Variants in TF observed in about 807,000 individuals in gnomAD.
TF encodes the protein serotransferrin.
In TF, 55 loss-of-function variants were observed where a neutral mutation model predicts 82.4. That is an observed-to-expected ratio of 0.67 (90% CI 0.54 to 0.84). TF has a LOEUF of 0.84. TF is among the 40% of genes least tolerant of loss of function. The probability of loss-of-function intolerance (pLI) is 0.00; values close to 1 mark genes in which losing one functional copy is unlikely to be tolerated. For missense variants in TF, 737 were observed against 868.4 expected (o/e 0.85, Z 1.90); for synonymous variants, 332 against 332.6 (o/e 1.00, Z 0.02).
the TF span, among the ~76,000 whole-genome samples, chr3:133,678,851 T>TTTTGTTTTG: frequency 1.9e-4 from 28 of 149,440 alleles, no homozygotes; most frequent in South Asian, 5.6e-3. Flanking sequence ...GCCCAGCTAT[T>TTTTGTTTTG]TTTTGTTTTG....
At chr3:133,737,126 C>G in the TF span, among the ~76,000 whole-genome samples, 1 of 152,194 alleles carries the variant, frequency 6.6e-6, no homozygotes, top group Non-Finnish European at 1.5e-5. Context: ...TCTCAGACCA[C>G]AGTGCAATCA....
At chr3:133,720,063 C>G in the TF span, among the ~76,000 whole-genome samples, 1 of 152,120 alleles carries the variant, frequency 6.6e-6, no homozygotes, top group African/African-American at 2.4e-5. Context: ...TGACTTCCCT[C>G]TTTCCAAATC....
chr3:133,685,705 C>G, the TF span, among the ~76,000 whole-genome samples: 4 of 152,122 alleles, frequency 2.6e-5, no homozygotes, highest in African/African-American at 9.7e-5. Flanking sequence ...AAAGAGGACA[C>G]AAACAAATGG....
In TF at chr3:133,759,883, G is replaced by T. The variant is rs544708901; in HGVS notation, c.1203+554G>T. 3.9e-5 allele frequency among the ~76,000 whole-genome samples: 6 copies of T among 152,032 alleles called. No homozygotes were observed. The South Asian group carries it at 8.3e-4, about 21-fold the overall frequency. ...GCTTACAGAGAATTTTTAAAATCCT[G>T]AATGATATAAAGAAGAAATAAAAAG... On this transcript the variant is annotated intron_variant, in intron 9 of 16. Transcript: ENST00000402696.
At position 133,783,632 on chromosome 3, in the gene TF, A is replaced by T. The variant is rs1157866135; in HGVS notation, c.*5012A>T. 2 of 152,268 alleles carry T rather than the reference A, an allele frequency of 1.3e-5. No homozygotes were observed. Among genetic ancestry groups the T allele is most frequent in the Middle Eastern group, 3.2e-3 (1 of 316 alleles). 9.4% of individuals were successfully genotyped at this position (152,268 alleles called of 1,614,324 possible). A position where few individuals can be genotyped will look rare whatever the true frequency, so the allele number is the denominator to read the frequency against. On this transcript the variant is annotated 3_prime_UTR_variant, in exon 17 of 17. Transcript: ENST00000402696. ...CCTGTAAGACAAAAATAGACAAATAAAATGTGAAGATTTTTAAGAAAGAAC... is the reference window on the plus strand; with the variant it reads ...CCTGTAAGACAAAAATAGACAAATATAATGTGAAGATTTTTAAGAAAGAAC...
chr3:133,763,812 C>G (rs1934056192), intron 9 of TF, among the ~76,000 whole-genome samples: 1 of 152,238 alleles, frequency 6.6e-6, no homozygotes, highest in Non-Finnish European at 1.5e-5. Flanking sequence ...TGTTCCACAG[C>G]CACAGCCACG....
intron 14 of TF, 58 bp from the exon 15 acceptor site, chr3:133,775,375 C>T (rs1934360126): frequency 6.3e-7 from 1 of 1,585,018 alleles, no homozygotes; most frequent in Non-Finnish European, 8.7e-7. Context: ...AGTTCCATCT[C>T]CCCAGCGGGG....
chr3:133,718,895 G>A, the TF span, among the ~76,000 whole-genome samples: 1 of 152,170 alleles, frequency 6.6e-6, no homozygotes, highest in Non-Finnish European at 1.5e-5. Flanking sequence ...GGGATTCTAT[G>A]AAGGGGCATG....
At chr3:133,755,040 A>G (rs1190978003) in intron 4 of TF, among the ~76,000 whole-genome samples, 1 of 152,204 alleles carries the variant, frequency 6.6e-6, no homozygotes, top group African/African-American at 2.4e-5. Flanking sequence ...TGTCTGGGGC[A>G]TGGATCCCAG....
chr3:133,733,524 TAG>T, the TF span, among the ~76,000 whole-genome samples: 1 of 152,178 alleles, frequency 6.6e-6, no homozygotes, highest in Non-Finnish European at 1.5e-5. Context: ...GTGGCCCTTC[TAG>T]CTGTCAGCCT....
At chr3:133,671,563 C>T in the TF span, among the ~76,000 whole-genome samples, 1 of 151,888 alleles carries the variant, frequency 6.6e-6, no homozygotes, top group Admixed American at 6.6e-5. Context: ...GCAGGCAGAT[C>T]ACTTGAGGCC....
the TF span, among the ~76,000 whole-genome samples, chr3:133,736,631 C>CAAAAAAAAAAAAAAAAA: frequency 3.7e-4 from 12 of 32,542 alleles, no homozygotes; most frequent in Admixed American, 9.3e-4. Flanking sequence ...AATGGAAAGC[C>CAAAAAAAAAAAAAAAAA]AAAAAAAAAA....
Position 133,754,951 on chromosome 3 carries a change from G to A in TF, c.502+280G>A, listed in dbSNP as rs548585036. Reference sequence around the variant, plus strand: ...GCAGAGGGTTTCAGTCTAGGCGATGGTGGTTCTCTTGTCCACTTCTCTGGA... The same window carrying A: ...GCAGAGGGTTTCAGTCTAGGCGATGATGGTTCTCTTGTCCACTTCTCTGGA... On this transcript the variant is annotated intron_variant, in intron 4 of 16. Coordinates refer to ENST00000402696, the MANE Select transcript of TF (RefSeq NM_001063.4). Among the ~76,000 whole-genome samples, 10 of 152,360 alleles carry A rather than the reference G, an allele frequency of 6.6e-5. No individual in the cohort carries two copies. In the East Asian group the frequency reaches 1.9e-3, roughly 29 times the overall value.
the TF span, among the ~76,000 whole-genome samples, chr3:133,693,735 T>C: frequency 3.3e-5 from 5 of 152,170 alleles, no homozygotes; most frequent in Admixed American, 2.6e-4. Flanking sequence ...AGCCTCTGGA[T>C]ACACAAGGGG....
At chr3:133,715,990 C>T in the TF span, among the ~76,000 whole-genome samples, 9 of 152,192 alleles carry the variant, frequency 5.9e-5, no homozygotes, top group African/African-American at 2.2e-4. Flanking sequence ...GCATCACTGG[C>T]AGCCCCCATC....
At chr3:133,681,251 C>T in the TF span, among the ~76,000 whole-genome samples, 3 of 152,206 alleles carry the variant, frequency 2.0e-5, no homozygotes, top group Non-Finnish European at 4.4e-5. Flanking sequence ...GGAACAGCTC[C>T]AGTCTACAGC....
chr3:133,731,898 A>G, the TF span, among the ~76,000 whole-genome samples: 1 of 152,210 alleles, frequency 6.6e-6, no homozygotes, highest in East Asian at 1.9e-4. Context: ...GACAATACTC[A>G]GTGAATGAAT....
the TF span, among the ~76,000 whole-genome samples, chr3:133,729,439 C>T: frequency 3.9e-5 from 6 of 152,186 alleles, no homozygotes; most frequent in Non-Finnish European, 8.8e-5. Context: ...AGTGAGACTC[C>T]GTGGGCGTAG....
chr3:133,708,470 G>A, the TF span, among the ~76,000 whole-genome samples: 1 of 152,076 alleles, frequency 6.6e-6, no homozygotes, highest in Non-Finnish European at 1.5e-5. Context: ...AATAATGGTA[G>A]CTATTGGGAG....
Sources: allele counts gnomAD v4.1 joint callset (sites outside exome capture counted in the v4.1 genomes callset), GRCh38; gene constraint gnomAD v4.1.1; transcripts MANE v1.5; gene names NCBI Gene and HGNC (gene_info 2026-07-23, HGNC 2026-07-21).